Variants in PHF8 observed in about 807,000 individuals in gnomAD.
PHF8 encodes the protein PHD finger protein 8.
Under a neutral mutation model 74.4 loss-of-function variants are expected in PHF8, and 9 were observed. That is an observed-to-expected ratio of 0.12 (90% confidence interval 0.07 to 0.21). The LOEUF is 0.21. Ranked by LOEUF, PHF8 falls within the 10% of genes least tolerant of loss-of-function variation. The probability of loss-of-function intolerance (pLI) is 1.00; values close to 1 mark genes in which losing one functional copy is unlikely to be tolerated. For synonymous variants in PHF8, 311 were observed against 316.6 expected (o/e 0.98, Z 0.19); for missense variants, 478 against 816.6 (o/e 0.59, Z 5.05).
In PHF8 at chrX:53,992,898, G is replaced by C. The variant is rs2065689387; in HGVS notation, c.1627-59C>G. On this transcript the variant is annotated intron_variant, in intron 13 of 21. Coordinates refer to ENST00000338154, the MANE Select transcript of PHF8 (RefSeq NM_015107.3). ...TGGGACTCCCATGGGAATCACGATGGCAAGTTCCCTCTGGTTTCACTGGTT... is the reference window on the plus strand; with the variant it reads ...TGGGACTCCCATGGGAATCACGATGCCAAGTTCCCTCTGGTTTCACTGGTT... 1.0e-5 allele frequency: 8 copies of C among 779,628 alleles called. No homozygotes were observed. In the South Asian group the frequency reaches 1.5e-4, roughly 15 times the overall value. 64.3% of individuals were successfully genotyped at this position (779,628 alleles called of 1,213,427 possible).
In PHF8 at chrX:54,026,353, C is replaced by CAA. The variant is rs1192940345; in HGVS notation, c.99-3512_99-3511dup. Among the ~76,000 whole-genome samples the CAA allele has an allele frequency of 5.4e-3, 262 of 48,512 alleles. 1 individual carries two copies. The highest frequency in any genetic ancestry group is 6.8e-3 in the Non-Finnish European group (178 of 26,301). 42.1% of individuals were successfully genotyped at this position (48,512 alleles called of 115,157 possible). A position where few individuals can be genotyped will look rare whatever the true frequency, so the allele number is the denominator to read the frequency against. On this transcript the variant is annotated intron_variant, in intron 2 of 21. Coordinates refer to ENST00000338154, the MANE Select transcript of PHF8 (RefSeq NM_015107.3). ...TGGGCGACAAAGCAAGATTCCATCT[C>CAA]AAAAAAAAAAAAAAAAAAAAATCTG...
intron 19 of PHF8, among the ~76,000 whole-genome samples, chrX:53,948,669 T>C (rs781863515): frequency 8.9e-6 from 1 of 112,093 alleles, no homozygotes; most frequent in Admixed American, 9.5e-5. Context: ...GTTACAACTA[T>C]AGAATCTGAG....
intron 19 of PHF8, among the ~76,000 whole-genome samples, chrX:53,953,502 G>A (rs1156365921): frequency 7.4e-5 from 8 of 108,439 alleles, no homozygotes; most frequent in African/African-American, 1.7e-4. Context: ...TTAGCTAGGC[G>A]TGATGGCAGG....
At chrX:53,989,569 T>A (rs868976709) in intron 14 of PHF8, among the ~76,000 whole-genome samples, 27 of 111,140 alleles carry the variant, frequency 2.4e-4, no homozygotes, top group African/African-American at 8.8e-4. Context: ...CTGGTTGAAA[T>A]GAACACTGCC....
chrX:53,956,539 G>A (rs782544453), intron 19 of PHF8, among the ~76,000 whole-genome samples: 1 of 111,583 alleles, frequency 9.0e-6, no homozygotes, highest in East Asian at 2.8e-4. Context: ...TAAAAATTAT[G>A]CTTAAAAAAT....
chrX:54,042,287 G>GA (rs1229049813), intron 2 of PHF8, among the ~76,000 whole-genome samples: 2 of 97,337 alleles, frequency 2.1e-5, no homozygotes, highest in African/African-American at 3.8e-5. Context: ...GGCAACGAGC[G>GA]AAACTCCGTC....
chrX:54,021,984 TTCTC>T (rs782380820), intron 4 of PHF8, among the ~76,000 whole-genome samples: 1 of 112,155 alleles, frequency 8.9e-6, no homozygotes, highest in Admixed American at 9.5e-5. Flanking sequence ...GAGTTTCTTC[TTCTC>T]TATGAGAGAA....
chrX:54,000,050 A>G, intron 10 of PHF8, 89 bp from the exon 11 acceptor site: 1 of 577,133 alleles, frequency 1.7e-6, no homozygotes, highest in Admixed American at 2.5e-5. Context: ...ACCAGAGAAA[A>G]TGCTCAAGGT....
chrX:53,997,581 T>C (rs1557103268), intron 11 of PHF8, among the ~76,000 whole-genome samples: 1 of 111,315 alleles, frequency 9.0e-6, no homozygotes, highest in East Asian at 2.8e-4. Context: ...CTACAAATCA[T>C]CTGCACTTCA....
rs782270876 is a variant in PHF8, at chrX:54,022,673, G to T, written c.184+85C>A. On this transcript the variant is annotated intron_variant, in intron 3 of 21. Coordinates refer to ENST00000338154, the MANE Select transcript of PHF8 (RefSeq NM_015107.3). ...GAGGAAGAAGAATCACAAGTGCTCA[G>T]GCAAAAGCAATCACTCCCCCAAATT... The T allele has an allele frequency of 4.9e-6, 3 of 616,128 alleles. No individual in the cohort carries two copies. The African/African-American group carries it at 6.6e-5, about 14-fold the overall frequency. The allele number at this position is 616,128 out of a possible 1,213,427, so 50.8% of individuals were successfully genotyped here.
chrX:53,971,579 C>T (rs1002974125), intron 18 of PHF8, among the ~76,000 whole-genome samples: 1 of 111,279 alleles, frequency 9.0e-6, no homozygotes, highest in African/African-American at 3.3e-5. Context: ...AATAGATAGA[C>T]CATTAGCTAG....
rs10544503 is a variant in PHF8 at position 53,954,642 on chromosome X, G to GAT, written c.2539+8200_2539+8201dup. Among the ~76,000 whole-genome samples the GAT allele has an allele frequency of 3.0e-3, 283 of 92,838 alleles. 2 individuals carry two copies. Among genetic ancestry groups the GAT allele is most frequent in the African/African-American group, 7.5e-3 (192 of 25,499 alleles). The allele number at this position is 92,838 out of a possible 115,157, so 80.6% of individuals were successfully genotyped here. The stretch of plus-strand genomic sequence containing the variant: ...AAATGTTCATTAAATCTGGGTGACA[G>GAT]ATATATATATATATATATATATAGG... On this transcript the variant is annotated intron_variant, in intron 19 of 21. Transcript: ENST00000338154.
chrX:54,023,522 T>C (rs782533975), intron 2 of PHF8, among the ~76,000 whole-genome samples: 99 of 109,754 alleles, frequency 9.0e-4, no homozygotes, highest in African/African-American at 3.2e-3. Flanking sequence ...AAATTCAACC[T>C]TCCCTTACTA....
At chrX:53,967,380 C>G (rs1200803470) in intron 18 of PHF8, among the ~76,000 whole-genome samples, 2 of 90,584 alleles carry the variant, frequency 2.2e-5, no homozygotes, top group African/African-American at 8.5e-5. Flanking sequence ...GTCAGCCCCC[C>G]GCCCGGCCAG....
chrX:54,008,924 C>T (rs2149863940), intron 8 of PHF8, among the ~76,000 whole-genome samples: 1 of 111,921 alleles, frequency 8.9e-6, no homozygotes, highest in East Asian at 2.8e-4. Context: ...CGCCTGTAAT[C>T]CCAGCACTTT....
intron 18 of PHF8, among the ~76,000 whole-genome samples, chrX:53,963,433 T>TA (rs1338518094): frequency 8.9e-6 from 1 of 111,817 alleles, no homozygotes; most frequent in African/African-American, 3.2e-5. Flanking sequence ...GGGAGCCTAC[T>TA]AGCACACTGA....
chrX:53,965,989 A>C (rs927127230), intron 18 of PHF8, among the ~76,000 whole-genome samples: 1 of 111,458 alleles, frequency 9.0e-6, no homozygotes, highest in South Asian at 3.8e-4. Context: ...TAAATCAACT[A>C]GGCTGAAAGA....
Position 53,953,180 on chromosome X carries a change from G to A in PHF8, c.2540-8937C>T, listed in dbSNP as rs188922957. Among the ~76,000 whole-genome samples the A allele has an allele frequency of 2.4e-3, 253 of 104,837 alleles. 1 individual carries two copies. Among genetic ancestry groups the A allele is most frequent in the African/African-American group, 8.1e-3 (232 of 28,617 alleles). The allele number at this position is 104,837 out of a possible 115,157, so 91.0% of individuals were successfully genotyped here. A position where few individuals can be genotyped will look rare whatever the true frequency, so the allele number is the denominator to read the frequency against. ...TCCCAGCTACTTAGGAGGCTGAGGC[G>A]GGAGTATTGCTTGAACCCGGGAGGT... is the stretch of plus-strand genomic sequence containing the variant. On this transcript the variant is annotated intron_variant, in intron 19 of 21. Coordinates refer to ENST00000338154, the MANE Select transcript of PHF8 (RefSeq NM_015107.3).
Position 54,044,291 on chromosome X carries a change from T to C in PHF8, c.-622A>G. 4 of 754,295 alleles carry C rather than the reference T, an allele frequency of 5.3e-6. No individual in the cohort carries two copies. The South Asian group carries it at 2.0e-4, about 38-fold the overall frequency. The allele number at this position is 754,295 out of a possible 1,213,427, so 62.2% of individuals were successfully genotyped here. ...CGAGGCACACGGCCCGAAAAGTCGC[T>C]GGGAGAAGCCCAGTGGCGGTGGTAG... is the stretch of plus-strand genomic sequence containing the variant. On this transcript the variant is annotated 5_prime_UTR_variant, in exon 1 of 22. Coordinates refer to ENST00000338154, the MANE Select transcript of PHF8 (RefSeq NM_015107.3).
Sources: gnomAD v4.1 joint callset for allele counts (sites outside exome capture counted in the v4.1 genomes callset) on GRCh38, gnomAD v4.1.1 for gene constraint, MANE v1.5 for transcripts, NCBI Gene and HGNC (gene_info 2026-07-23, HGNC 2026-07-21) for gene names.